Variants in LYPLAL1 observed in about 807,000 individuals in gnomAD.
LYPLAL1 encodes lysophospholipase like 1.
Under a neutral mutation model 19.7 loss-of-function variants are expected in LYPLAL1, and 23 were observed. The ratio of observed to expected loss-of-function variants is 1.17; its 90% CI spans 0.84 to 1.65. The LOEUF (loss-of-function observed/expected upper bound fraction) is 1.65. Among genes scored for constraint, LYPLAL1 ranks in the 40% most tolerant of loss-of-function variants. The pLI, the probability that LYPLAL1 is intolerant of heterozygous loss-of-function variation, is 0.00. For synonymous variants in LYPLAL1, 119 were observed against 96.3 expected (o/e 1.24, Z -1.38); for missense variants, 355 against 279.4 (o/e 1.27, Z -1.93).
At chr1:219,276,560 G>T in the LYPLAL1 span, among the ~76,000 whole-genome samples, 1 of 152,230 alleles carries the variant, frequency 6.6e-6, no homozygotes, top group Non-Finnish European at 1.5e-5. Flanking sequence ...AGTCACTGTA[G>T]AATTAAATCA....
the LYPLAL1 span, among the ~76,000 whole-genome samples, chr1:219,348,369 G>A: frequency 2.6e-5 from 4 of 152,188 alleles, no homozygotes; most frequent in East Asian, 7.7e-4. Flanking sequence ...AGGCTTGGTT[G>A]GGGTCAATTC....
At chr1:219,238,087 A>G in the LYPLAL1 span, among the ~76,000 whole-genome samples, 1 of 151,528 alleles carries the variant, frequency 6.6e-6, no homozygotes, top group Non-Finnish European at 1.5e-5. Context: ...GAGCAGTGCA[A>G]GCAAGATGAT....
the LYPLAL1 span, among the ~76,000 whole-genome samples, chr1:219,292,832 T>C: frequency 1.5e-3 from 225 of 152,298 alleles, 1 homozygote; most frequent in Middle Eastern, 6.8e-3. Context: ...TGTGTACCCA[T>C]AGAAGAGCTA....
intron 2 of LYPLAL1, among the ~76,000 whole-genome samples, chr1:219,192,411 G>C (rs1657252946): frequency 6.6e-6 from 1 of 151,602 alleles, no homozygotes; most frequent in Non-Finnish European, 1.5e-5. Flanking sequence ...TTGGTTTAGA[G>C]TTCTTTCAAA....
At chr1:219,191,113 T>G (rs1023746659) in intron 2 of LYPLAL1, among the ~76,000 whole-genome samples, 3 of 151,660 alleles carry the variant, frequency 2.0e-5, no homozygotes, top group African/African-American at 7.3e-5. Flanking sequence ...TGTCAGCACC[T>G]ACTGCTATTA....
the LYPLAL1 span, chr1:219,409,904 T>G: frequency 6.6e-6 from 1 of 152,244 alleles, no homozygotes; most frequent in South Asian, 2.1e-4. Flanking sequence ...TCTTCCATTT[T>G]CACTTTATGA....
At chr1:219,357,810 A>G in the LYPLAL1 span, among the ~76,000 whole-genome samples, 1 of 152,204 alleles carries the variant, frequency 6.6e-6, no homozygotes, top group Admixed American at 6.5e-5. Context: ...GTGAATAAAT[A>G]AGCAAATTTT....
chr1:219,439,872 A>T, the LYPLAL1 span, among the ~76,000 whole-genome samples: 1 of 151,236 alleles, frequency 6.6e-6, no homozygotes, highest in African/African-American at 2.4e-5. Flanking sequence ...AAAGCAAACT[A>T]AAACAAGTAA....
At chr1:219,195,913 G>A (rs1657561240) in intron 3 of LYPLAL1, among the ~76,000 whole-genome samples, 1 of 151,928 alleles carries the variant, frequency 6.6e-6, no homozygotes, top group South Asian at 2.1e-4. Flanking sequence ...TCATGGTTCA[G>A]CTTCCAACAT....
chr1:219,397,713 A>G, the LYPLAL1 span, among the ~76,000 whole-genome samples: 17 of 152,192 alleles, frequency 1.1e-4, no homozygotes, highest in Non-Finnish European at 2.5e-4. Flanking sequence ...TTCTATATTT[A>G]GTGCTTCTTC....
At chr1:219,341,183 CT>C in the LYPLAL1 span, among the ~76,000 whole-genome samples, 6 of 152,010 alleles carry the variant, frequency 3.9e-5, no homozygotes, top group Admixed American at 6.6e-5. Context: ...TTTATTATTC[CT>C]TTTTTGGTCA....
At chr1:219,329,313 C>G in the LYPLAL1 span, among the ~76,000 whole-genome samples, 1 of 152,092 alleles carries the variant, frequency 6.6e-6, no homozygotes, top group African/African-American at 2.4e-5. Context: ...TAACATGATA[C>G]CTGAATCATA....
At chr1:219,271,041 G>A in the LYPLAL1 span, 2 of 152,366 alleles carry the variant, frequency 1.3e-5, no homozygotes, top group African/African-American at 4.8e-5. Context: ...CACCTCCTGA[G>A]GTCTAGGGAT....
chr1:219,233,882 G>A, the LYPLAL1 span, among the ~76,000 whole-genome samples: 1 of 152,094 alleles, frequency 6.6e-6, no homozygotes, highest in African/African-American at 2.4e-5. Context: ...TGCTTTCCAA[G>A]GTAGTATAAT....
chr1:219,363,027 G>A, the LYPLAL1 span, among the ~76,000 whole-genome samples: 31 of 151,962 alleles, frequency 2.0e-4, no homozygotes, highest in South Asian at 5.0e-3. Flanking sequence ...GTAGAACTCC[G>A]ATTGTGCCTA....
chr1:219,373,875 A>AAC, the LYPLAL1 span, among the ~76,000 whole-genome samples: 2 of 22,534 alleles, frequency 8.9e-5, no homozygotes, highest in African/African-American at 1.4e-4. Context: ...AAAAAAAAAA[A>AAC]AAAAAACAAA....
the LYPLAL1 span, among the ~76,000 whole-genome samples, chr1:219,395,572 G>GT: frequency 6.6e-6 from 1 of 152,132 alleles, no homozygotes. Context: ...TAGGTTGTCT[G>GT]TTTAAGATGT....
the LYPLAL1 span, among the ~76,000 whole-genome samples, chr1:219,249,848 G>A: frequency 6.6e-6 from 1 of 151,978 alleles, no homozygotes; most frequent in Non-Finnish European, 1.5e-5. Flanking sequence ...TTTCTAAAGT[G>A]TCTGCTCATA....
At chr1:219,430,977 A>G in the LYPLAL1 span, among the ~76,000 whole-genome samples, 8 of 151,902 alleles carry the variant, frequency 5.3e-5, no homozygotes, top group Admixed American at 4.6e-4. Context: ...CATGCTCAGA[A>G]CCTCGGAAGA....
Sources: gnomAD v4.1 joint callset for allele counts (sites outside exome capture counted in the v4.1 genomes callset) on GRCh38, gnomAD v4.1.1 for gene constraint, MANE v1.5 for transcripts, NCBI Gene and HGNC (gene_info 2026-07-23, HGNC 2026-07-21) for gene names.